The following ULK2 variants were observed in gnomAD, a reference collection of about 807,000 sequenced individuals.
The protein encoded by ULK2 is unc-51 like autophagy activating kinase 2, also known as serine/threonine-protein kinase ULK2.
Under a neutral mutation model 127.5 loss-of-function variants are expected in ULK2, and 76 were observed. The ratio of observed to expected loss-of-function variants is 0.60; its 90% CI spans 0.50 to 0.72. The LOEUF (loss-of-function observed/expected upper bound fraction) is 0.72, where lower values mean the gene tolerates loss of function less well. Ranked by LOEUF, ULK2 falls within the 30% of genes least tolerant of loss-of-function variation. The pLI is 0.00. For synonymous variants in ULK2, 452 were observed against 461.9 expected, an observed-to-expected ratio of 0.98 and a Z score of 0.28; for missense variants, 1,144 against 1,295.9, an observed-to-expected ratio of 0.88 and a Z score of 1.80.
chr17:19,808,295 C>T (rs2087556493), intron 14 of ULK2, among the ~76,000 whole-genome samples: 1 of 152,048 alleles, frequency 6.6e-6, no homozygotes, highest in African/African-American at 2.4e-5. Context: ...GGATTAAAGG[C>T]CTGAACATTA....
chr17:19,787,697 T>C (rs557666399), intron 20 of ULK2, among the ~76,000 whole-genome samples: 11 of 152,338 alleles, frequency 7.2e-5, no homozygotes, highest in African/African-American at 2.6e-4. Flanking sequence ...CCACCAATTG[T>C]ACAACCCACC....
intron 14 of ULK2, among the ~76,000 whole-genome samples, chr17:19,807,798 T>A (rs185681650): frequency 6.6e-6 from 1 of 152,176 alleles, no homozygotes; most frequent in South Asian, 2.1e-4. Context: ...AACTGTGCAC[T>A]GAGGGCCCCC....
intron 10 of ULK2, 112 bp downstream of exon 10, chr17:19,838,389 C>A: frequency 1.0e-6 from 1 of 955,252 alleles, no homozygotes; most frequent in Non-Finnish European, 1.6e-6. Context: ...AGGAAATAAA[C>A]AAAAAGAAAA....
chr17:19,820,980 T>C (rs1206685562), intron 12 of ULK2, among the ~76,000 whole-genome samples: 1 of 152,124 alleles, frequency 6.6e-6, no homozygotes, highest in East Asian at 1.9e-4. Flanking sequence ...AACCAGAACA[T>C]CACACAAAGT....
At chr17:19,867,306 C>A in intron 1 of ULK2, 22 bp downstream of exon 1, 1 of 1,546,378 alleles carries the variant, frequency 6.5e-7, no homozygotes, top group Non-Finnish European at 8.7e-7. Flanking sequence ...CGGGGCCCGG[C>A]CTCGCCCCGG....
At chr17:19,796,387 A>T in intron 18 of ULK2, 105 bp from the exon 19 acceptor site, 1 of 1,073,940 alleles carries the variant, frequency 9.3e-7, no homozygotes, top group Non-Finnish European at 1.2e-6. Context: ...AGCATGTAGG[A>T]GATAGGTCGG....
chr17:19,790,638 T>G (rs1017234478), intron 20 of ULK2, among the ~76,000 whole-genome samples: 1 of 152,060 alleles, frequency 6.6e-6, no homozygotes, highest in Non-Finnish European at 1.5e-5. Context: ...ATGGCAGGAT[T>G]AAGTCCTTAC....
At position 19,843,213 on chromosome 17, in the gene ULK2, C is replaced by T; in HGVS notation, c.553G>A (p.Val185Ile). ...CGSPMYMAPE[V>I]IMSQHYDAKA... Reference sequence around the variant, plus strand: ...GCATCATAATGTTGAGACATAATAACCTCAGGAGCCTGGGAACAGAAAAAT... The same window carrying T: ...GCATCATAATGTTGAGACATAATAATCTCAGGAGCCTGGGAACAGAAAAAT... Residue 185 changes from valine (V) to isoleucine (I), a missense_variant, in exon 8 of 27, where the codon GTT becomes ATT. Around this residue, in one of 2 missense-constraint regions of ULK2, gnomAD observed 231 missense variants for 325.4 expected, o/e 0.71. Coordinates refer to ENST00000395544, the MANE Select transcript of ULK2 (RefSeq NM_014683.4). 1 of 1,560,172 alleles carries T rather than the reference C, an allele frequency of 6.4e-7. No individual in the cohort carries two copies. The highest frequency in any genetic ancestry group is 1.2e-5 in the South Asian group (1 of 82,890).
intron 13 of ULK2, among the ~76,000 whole-genome samples, chr17:19,814,997 T>C (rs1005680949): frequency 3.3e-5 from 5 of 152,210 alleles, no homozygotes; most frequent in African/African-American, 1.2e-4. Context: ...GCATTCCAAA[T>C]GCAAAAATCT....
intron 8 of ULK2, among the ~76,000 whole-genome samples, chr17:19,842,541 TG>T (rs1366872218): frequency 2.6e-5 from 4 of 152,118 alleles, no homozygotes; most frequent in African/African-American, 9.7e-5. Flanking sequence ...ATTTTCACTT[TG>T]TTTCAGTTTT....
chr17:19,804,924 A>G, intron 14 of ULK2, 94 bp from the exon 15 acceptor site: 1 of 1,432,774 alleles, frequency 7.0e-7, no homozygotes, highest in Non-Finnish European at 9.3e-7. Flanking sequence ...AAAATTCCAG[A>G]AAGAGCCAAA....
intron 12 of ULK2, among the ~76,000 whole-genome samples, chr17:19,819,547 T>C (rs147528528): frequency 6.6e-6 from 1 of 152,332 alleles, no homozygotes; most frequent in East Asian, 1.9e-4. Context: ...CACAGAATGA[T>C]GGTTCCTACT....
At chr17:19,842,190 CTTTTTTTT>C (rs869294657) in intron 8 of ULK2, among the ~76,000 whole-genome samples, 1 of 88,396 alleles carries the variant, frequency 1.1e-5, no homozygotes, top group East Asian at 3.9e-4. Context: ...TTTTCTTTTT[CTTTTTTTT>C]TTTTTTTTTT....
chr17:19,789,024 A>T (rs1386083586), intron 20 of ULK2, among the ~76,000 whole-genome samples: 1 of 152,152 alleles, frequency 6.6e-6, no homozygotes, highest in Non-Finnish European at 1.5e-5. Context: ...TGTTGCCCTG[A>T]AAGGAAGGAC....
chr17:19,775,553 T>C lies in ULK2; in HGVS notation c.*796A>G, dbSNP rs1354024570. The C allele has an allele frequency of 7.8e-6, 1 of 127,618 alleles. No homozygotes were observed. The highest frequency in any genetic ancestry group is 1.6e-5 in the Non-Finnish European group (1 of 61,262). 7.9% of individuals were successfully genotyped at this position (127,618 alleles called of 1,614,324 possible). On this transcript the variant is annotated 3_prime_UTR_variant, in exon 27 of 27. Coordinates refer to ENST00000395544, the MANE Select transcript of ULK2 (RefSeq NM_014683.4). ...ACAAAAACATTACTGAGAAAATCTG[T>C]AGGTGTAGATAAAGAAGTAAAAAAA...
chr17:19,807,969 G>A (rs2087549503), intron 14 of ULK2, among the ~76,000 whole-genome samples: 1 of 152,280 alleles, frequency 6.6e-6, no homozygotes, highest in African/African-American at 2.4e-5. Flanking sequence ...AGCCAGGCGT[G>A]GTGGCGGGTA....
At chr17:19,846,474 T>C (rs1160834307) in intron 6 of ULK2, among the ~76,000 whole-genome samples, 1 of 151,992 alleles carries the variant, frequency 6.6e-6, no homozygotes, top group African/African-American at 2.4e-5. Flanking sequence ...ACCCTGTCTC[T>C]ACTAAAAATA....
At chr17:19,834,497 T>A (rs2041542361) in intron 10 of ULK2, among the ~76,000 whole-genome samples, 1 of 146,312 alleles carries the variant, frequency 6.8e-6, no homozygotes, top group South Asian at 2.1e-4. Flanking sequence ...ACTAAAAAAA[T>A]GACACCAAAC....
intron 12 of ULK2, among the ~76,000 whole-genome samples, chr17:19,820,908 C>T (rs949836614): frequency 5.3e-5 from 8 of 152,186 alleles, no homozygotes; most frequent in Non-Finnish European, 1.2e-4. Flanking sequence ...TACCTCTTCT[C>T]CATACAATTA....
Sources: gnomAD v4.1 joint callset for allele counts (sites outside exome capture counted in the v4.1 genomes callset) on GRCh38, gnomAD v4.1.1 for gene constraint, gnomAD v4.1.1 regional missense constraint, MANE v1.5 for transcripts, NCBI Gene and HGNC (gene_info 2026-07-23, HGNC 2026-07-21) for gene names.